LEKR1: variants seen among roughly 807,000 people sequenced by gnomAD.
LEKR1 encodes the protein leucine, glutamate and lysine rich 1.
A neutral mutation model predicts 72.4 loss-of-function variants in LEKR1; 59 were observed. The ratio of observed to expected loss-of-function variants is 0.82; its 90% confidence interval spans 0.66 to 1.01. The LOEUF (loss-of-function observed/expected upper bound fraction) is 1.01, where lower values mean the gene tolerates loss of function less well. LEKR1 is among the 50% of genes least tolerant of loss of function. The pLI, the probability that LEKR1 is intolerant of heterozygous loss-of-function variation, is 0.00. For synonymous variants in LEKR1, 257 were observed against 263.2 expected (o/e 0.98, Z 0.23); for missense variants, 728 against 759.2 (o/e 0.96, Z 0.48).
intron 6 of LEKR1, among the ~76,000 whole-genome samples, chr3:156,971,340 C>T (rs1729168182): frequency 6.6e-6 from 1 of 152,104 alleles, no homozygotes; most frequent in Non-Finnish European, 1.5e-5. Context: ...AAAATTAATT[C>T]AAGATGGATT....
At chr3:156,896,457 T>C (rs1212412409) in intron 3 of LEKR1, among the ~76,000 whole-genome samples, 1 of 152,120 alleles carries the variant, frequency 6.6e-6, no homozygotes, top group Non-Finnish European at 1.5e-5. Flanking sequence ...TGAAAAAATG[T>C]CCAACATCAC....
chr3:156,854,773 C>T (rs1715842829), intron 3 of LEKR1, among the ~76,000 whole-genome samples: 3 of 151,526 alleles, frequency 2.0e-5, no homozygotes, highest in Non-Finnish European at 2.9e-5. Flanking sequence ...ATGTTGGTCT[C>T]GAACTCCTGG....
chr3:156,982,860 TA>T (rs1171713048), intron 7 of LEKR1, among the ~76,000 whole-genome samples: 28 of 58,616 alleles, frequency 4.8e-4, no homozygotes, highest in African/African-American at 1.5e-3. Flanking sequence ...TGTGTGTAGA[TA>T]GATAGATAGA....
chr3:157,007,786 A>AC (rs1732576911), intron 9 of LEKR1, among the ~76,000 whole-genome samples: 1 of 152,240 alleles, frequency 6.6e-6, no homozygotes, highest in South Asian at 2.1e-4. Context: ...ATAACACATA[A>AC]TCCAAGAAAA....
intron 5 of LEKR1, among the ~76,000 whole-genome samples, chr3:156,933,397 G>C (rs1173122947): frequency 6.6e-6 from 1 of 152,208 alleles, no homozygotes; most frequent in South Asian, 2.1e-4. Context: ...TTCCAAAGTG[G>C]TTGTTCCTTT....
chr3:156,925,087 G>A (rs1173999323), intron 4 of LEKR1: 3 of 151,872 alleles, frequency 2.0e-5, no homozygotes, highest in South Asian at 2.1e-4. Flanking sequence ...GTTTTTCCAT[G>A]GAGATCTTTA....
intron 7 of LEKR1, 170 bp downstream of exon 7, chr3:156,979,445 C>A: frequency 3.2e-6 from 1 of 313,060 alleles, no homozygotes; most frequent in South Asian, 2.7e-5. Context: ...CTTTTCTTGC[C>A]CACTTTACTG....
At chr3:156,925,650 GT>G (rs1181176984) in intron 4 of LEKR1, among the ~76,000 whole-genome samples, 5 of 151,986 alleles carry the variant, frequency 3.3e-5, no homozygotes, top group African/African-American at 1.2e-4. Context: ...TCCTTCCAAG[GT>G]TCTGGGAGGG....
intron 5 of LEKR1, among the ~76,000 whole-genome samples, chr3:156,930,748 G>A (rs1382878441): frequency 6.6e-6 from 1 of 152,022 alleles, no homozygotes; most frequent in Non-Finnish European, 1.5e-5. Context: ...AAGATAGCCT[G>A]GTAAATGACC....
At chr3:156,969,498 A>G (rs1284825157) in intron 6 of LEKR1, among the ~76,000 whole-genome samples, 1 of 152,216 alleles carries the variant, frequency 6.6e-6, no homozygotes, top group Admixed American at 6.5e-5. Context: ...AAACACCTCT[A>G]TGCAAATAAA....
At chr3:156,985,965 A>C (rs1730642769) in intron 7 of LEKR1, among the ~76,000 whole-genome samples, 1 of 152,112 alleles carries the variant, frequency 6.6e-6, no homozygotes, top group Non-Finnish European at 1.5e-5. Context: ...ACAAAAGCAG[A>C]TGTGAGTATG....
At chr3:156,963,454 T>G (rs112502788) in intron 6 of LEKR1, among the ~76,000 whole-genome samples, 2 of 152,134 alleles carry the variant, frequency 1.3e-5, no homozygotes, top group African/African-American at 4.8e-5. Flanking sequence ...TGACAGCATA[T>G]GAATAATAGT....
chr3:156,942,418 T>C, intron 5 of LEKR1, 111 bp from the exon 6 acceptor site: 1 of 334,264 alleles, frequency 3.0e-6, no homozygotes, highest in South Asian at 2.5e-5. Context: ...ATCTCAGAAA[T>C]GTCATCTTGC....
chr3:156,940,532 T>C (rs745569154), intron 5 of LEKR1, among the ~76,000 whole-genome samples: 3 of 152,188 alleles, frequency 2.0e-5, no homozygotes, highest in Non-Finnish European at 4.4e-5. Context: ...CTTACAAGTA[T>C]GGAATTGTAT....
chr3:156,936,459 ACACACACC>A (rs759902854), intron 5 of LEKR1, among the ~76,000 whole-genome samples: 222 of 127,690 alleles, frequency 1.7e-3, no homozygotes, highest in South Asian at 4.0e-3. Flanking sequence ...ACACACACAC[ACACACACC>A]CCCCGTATGC....
intron 3 of LEKR1, among the ~76,000 whole-genome samples, chr3:156,908,661 G>A (rs1722779990): frequency 6.6e-6 from 1 of 152,074 alleles, no homozygotes; most frequent in African/African-American, 2.4e-5. Flanking sequence ...TCTTGCCTCA[G>A]CACTGGAATC....
chr3:156,860,986 T>A (rs4234314), intron 3 of LEKR1, among the ~76,000 whole-genome samples: 7,168 of 152,212 alleles, frequency 0.047, 230 homozygotes, highest in Non-Finnish European at 0.073. Flanking sequence ...TATTAGGAGA[T>A]CAAAAACTTT....
intron 3 of LEKR1, among the ~76,000 whole-genome samples, chr3:156,879,102 T>C (rs533696748): frequency 3.2e-4 from 48 of 152,210 alleles, no homozygotes; most frequent in Non-Finnish European, 5.3e-4. Context: ...TGGAAGCAAC[T>C]TTGGAACTGG....
chr3:156,874,305 T>A (rs113943116), intron 3 of LEKR1, among the ~76,000 whole-genome samples: 13 of 152,000 alleles, frequency 8.6e-5, no homozygotes, highest in Non-Finnish European at 1.9e-4. Context: ...TCTCTTTTTT[T>A]AAAAAAAGGA....
Sources: gnomAD v4.1 joint callset for allele counts (sites outside exome capture counted in the v4.1 genomes callset) on GRCh38, gnomAD v4.1.1 for gene constraint, MANE v1.5 for transcripts, NCBI Gene and HGNC (gene_info 2026-07-23, HGNC 2026-07-21) for gene names.